Variants in PIBF1 observed in about 807,000 individuals in gnomAD.
PIBF1 encodes progesterone-induced-blocking factor 1.
In PIBF1, 90 loss-of-function variants were observed where a neutral mutation model predicts 112.5. The observed-to-expected ratio is 0.80, with a 90% CI of 0.67 to 0.95. PIBF1 has a LOEUF of 0.95. Among genes scored for constraint, PIBF1 ranks in the 40% least tolerant of loss-of-function variants. The pLI, the probability that PIBF1 is intolerant of heterozygous loss-of-function variation, is 0.00. For missense variants in PIBF1, 915 were observed against 852.3 expected (o/e 1.07, Z -0.92); for synonymous variants, 301 against 288.6 (o/e 1.04, Z -0.44).
intron 11 of PIBF1, among the ~76,000 whole-genome samples, chr13:72,905,972 G>A (rs1445888034): frequency 1.3e-5 from 2 of 152,272 alleles, no homozygotes; most frequent in African/African-American, 4.8e-5. Context: ...CATTGTGTCA[G>A]CAGTGCTTAA....
At chr13:72,861,660 A>C (rs894564350) in intron 10 of PIBF1, among the ~76,000 whole-genome samples, 4 of 152,078 alleles carry the variant, frequency 2.6e-5, no homozygotes, top group Non-Finnish European at 4.4e-5. Context: ...CACCTCCCAG[A>C]GTTCAAGCAG....
At chr13:72,837,190 C>T (rs554401215) in intron 9 of PIBF1, among the ~76,000 whole-genome samples, 12 of 152,022 alleles carry the variant, frequency 7.9e-5, no homozygotes, top group African/African-American at 2.4e-4. Context: ...AGAAATTATA[C>T]GTATTCTTAA....
Position 72,931,718 on chromosome 13 carries a change from G to GTGTATATATA in PIBF1, c.1833+452_1833+453insGTATATATAT, listed in dbSNP as rs1555317840. Among the ~76,000 whole-genome samples the GTGTATATATA allele has an allele frequency of 3.9e-5, 4 of 101,978 alleles. No individual in the cohort carries two copies. The Admixed American group carries it at 4.6e-4, about 12-fold the overall frequency. 66.9% of individuals were successfully genotyped at this position (101,978 alleles called of 152,430 possible). On this transcript the variant is annotated intron_variant, in intron 14 of 17. Coordinates refer to ENST00000326291, the MANE Select transcript of PIBF1 (RefSeq NM_006346.4). ...CTTAGCCTTATGTCATTTAAACTAC[G>GTGTATATATA]TATATATATATATATATATATATAT...
intron 9 of PIBF1, among the ~76,000 whole-genome samples, chr13:72,852,412 G>A (rs1251686457): frequency 6.6e-6 from 1 of 152,194 alleles, no homozygotes; most frequent in African/African-American, 2.4e-5. Context: ...GTGTGCAGTG[G>A]TTGAACCCTG....
intron 16 of PIBF1, among the ~76,000 whole-genome samples, chr13:72,974,535 G>A (rs948167131): frequency 3.9e-5 from 6 of 152,148 alleles, no homozygotes; most frequent in African/African-American, 1.4e-4. Flanking sequence ...CAATACAGAT[G>A]TATAATATAT....
intron 11 of PIBF1, among the ~76,000 whole-genome samples, chr13:72,895,889 A>G (rs979976629): frequency 6.6e-6 from 1 of 152,102 alleles, no homozygotes; most frequent in Admixed American, 6.6e-5. Flanking sequence ...TTCAAGCCCA[A>G]CTCACTCTGG....
Position 72,824,286 on chromosome 13 carries a change from A to C in PIBF1, c.806+2304A>C, listed in dbSNP as rs537819564. Among the ~76,000 whole-genome samples the C allele has an allele frequency of 9.3e-4, 141 of 151,720 alleles. 1 individual carries two copies. Among genetic ancestry groups the C allele is most frequent in the African/African-American group, 3.1e-3 (129 of 41,376 alleles). On this transcript the variant is annotated intron_variant, in intron 6 of 17. Coordinates refer to ENST00000326291, the MANE Select transcript of PIBF1 (RefSeq NM_006346.4). Reference sequence around the variant, plus strand: ...CCCACCTTGGCCTCCCAAAGTGCTGAGATGACAGGTGTGAGCCTCTGCACC... The same window carrying C: ...CCCACCTTGGCCTCCCAAAGTGCTGCGATGACAGGTGTGAGCCTCTGCACC...
intron 11 of PIBF1, among the ~76,000 whole-genome samples, chr13:72,897,896 A>C (rs1211017993): frequency 6.6e-6 from 1 of 152,228 alleles, no homozygotes; most frequent in Non-Finnish European, 1.5e-5. Context: ...GAGGTCTTTA[A>C]GACAGAAAGT....
chr13:72,939,931 C>G (rs1458660007), intron 14 of PIBF1, among the ~76,000 whole-genome samples: 1 of 152,080 alleles, frequency 6.6e-6, no homozygotes, highest in African/African-American at 2.4e-5. Flanking sequence ...TTGTTCCTCT[C>G]TAGGTAATGT....
At chr13:72,990,103 A>G (rs957135817) in intron 16 of PIBF1, among the ~76,000 whole-genome samples, 2 of 150,562 alleles carry the variant, frequency 1.3e-5, no homozygotes, top group African/African-American at 4.9e-5. Flanking sequence ...AGTCTCAGCT[A>G]CTCTGGAGGC....
chr13:72,827,836 G>T lies in PIBF1; in HGVS notation c.1019G>T (p.Arg340Leu). 6.3e-7 allele frequency: 1 copy of T among 1,599,550 alleles called. No individual in the cohort carries two copies. Among genetic ancestry groups the T allele is most frequent in the Non-Finnish European group, 8.5e-7 (1 of 1,172,914 alleles). ...LSVRCAHEED[R>L]LERLQAQLEE... ...GTTCGCTGTGCTCATGAAGAGGATC[G>T]CCTTGAAAGACTTCAAGCTCAACTG... Residue 340 changes from arginine to leucine, a missense_variant, in exon 8 of 18, where the codon CGC becomes CTC. Physicochemically the swap from Arg to Leu is moderately radical, Grantham distance 102 (BLOSUM62 -2). Transcript: ENST00000326291.
At chr13:72,859,626 A>G (rs1047111827) in intron 10 of PIBF1, among the ~76,000 whole-genome samples, 2 of 152,198 alleles carry the variant, frequency 1.3e-5, no homozygotes, top group Non-Finnish European at 2.9e-5. Flanking sequence ...AATTAACTGA[A>G]TGAATTTTAA....
At chr13:72,844,868 G>A (rs562577252) in intron 9 of PIBF1, among the ~76,000 whole-genome samples, 11 of 145,530 alleles carry the variant, frequency 7.6e-5, no homozygotes, top group East Asian at 4.4e-4. Context: ...CCTCCCCGCC[G>A]ACCTCAGCCT....
intron 4 of PIBF1, among the ~76,000 whole-genome samples, chr13:72,797,622 C>T (rs1427431134): frequency 6.6e-6 from 1 of 152,062 alleles, no homozygotes; most frequent in African/African-American, 2.4e-5. Context: ...AGTTTACAAG[C>T]ACCTAGTGTG....
At chr13:72,856,557 G>A (rs1481551051) in intron 10 of PIBF1, among the ~76,000 whole-genome samples, 1 of 152,098 alleles carries the variant, frequency 6.6e-6, no homozygotes, top group Admixed American at 6.5e-5. Flanking sequence ...GACTGTAAAG[G>A]ACATTACAGA....
In PIBF1 at chr13:72,811,610, G is replaced by A. The variant is rs67709536; in HGVS notation, c.673-10239G>A. 7.5e-3 allele frequency among the ~76,000 whole-genome samples: 411 copies of A among 55,160 alleles called. 13 individuals carry two copies. Among genetic ancestry groups the A allele is most frequent in the African/African-American group, 0.026 (173 of 6,742 alleles). The allele number at this position is 55,160 out of a possible 152,430, so 36.2% of individuals were successfully genotyped here. A position where few individuals can be genotyped will look rare whatever the true frequency, so the allele number is the denominator to read the frequency against. ...AACTCCGTCTCAAAAAAAAAAAAAA[G>A]AGAGAGAAATGTATATATTAATGCC... is the stretch of plus-strand genomic sequence containing the variant. On this transcript the variant is annotated intron_variant, in intron 5 of 17. Transcript: ENST00000326291.
At chr13:72,792,685 A>G in intron 3 of PIBF1, 138 bp downstream of exon 3, 2 of 556,268 alleles carry the variant, frequency 3.6e-6, no homozygotes, top group Non-Finnish European at 6.3e-6. Context: ...TTACACCTAG[A>G]CCACAAAAAA....
At chr13:72,840,842 A>G (rs2037579239) in intron 9 of PIBF1, among the ~76,000 whole-genome samples, 1 of 152,168 alleles carries the variant, frequency 6.6e-6, no homozygotes, top group Non-Finnish European at 1.5e-5. Context: ...AACATTTTCT[A>G]AAGAAACTGA....
chr13:72,838,237 T>C (rs1365582863), intron 9 of PIBF1, among the ~76,000 whole-genome samples: 1 of 152,178 alleles, frequency 6.6e-6, no homozygotes, highest in Non-Finnish European at 1.5e-5. Context: ...ACAAAGCTGG[T>C]AGTCTAATGG....
Sources: allele counts gnomAD v4.1 joint callset (sites outside exome capture counted in the v4.1 genomes callset), GRCh38; gene constraint gnomAD v4.1.1; transcripts MANE v1.5; gene names NCBI Gene and HGNC (gene_info 2026-07-23, HGNC 2026-07-21).